The following LNX2 variants were observed in gnomAD, a reference collection of about 807,000 sequenced individuals.
The protein encoded by LNX2 is ligand of numb-protein X 2.
LNX2 carries 35 observed loss-of-function variants against 66.2 expected under a neutral mutation model. The observed-to-expected ratio is 0.53, with a 90% CI of 0.40 to 0.70. The LOEUF (loss-of-function observed/expected upper bound fraction) is 0.70, where lower values mean the gene tolerates loss of function less well. Ranked by LOEUF, LNX2 falls within the 30% of genes least tolerant of loss-of-function variation. The pLI is 0.00. For synonymous variants in LNX2, 337 were observed against 315.6 expected (o/e 1.07, Z -0.72); for missense variants, 791 against 850.8 (o/e 0.93, Z 0.87).
At chr13:27,600,231 T>A (rs1955642487) in intron 1 of LNX2, among the ~76,000 whole-genome samples, 1 of 152,222 alleles carries the variant, frequency 6.6e-6, no homozygotes, top group Admixed American at 6.5e-5. Flanking sequence ...TTTGTCATAT[T>A]ATGTTTTTGA....
intron 1 of LNX2, among the ~76,000 whole-genome samples, chr13:27,615,985 C>G (rs891230935): frequency 7.2e-5 from 11 of 152,232 alleles, no homozygotes; most frequent in Admixed American, 7.2e-4. Context: ...AGAGATTTAT[C>G]GTGAGCCAAA....
At chr13:27,601,632 C>T (rs1955658954) in intron 1 of LNX2, among the ~76,000 whole-genome samples, 1 of 152,098 alleles carries the variant, frequency 6.6e-6, no homozygotes, top group South Asian at 2.1e-4. Context: ...AATAATATAT[C>T]ATGCATGAAC....
At chr13:27,553,148 C>G in intron 8 of LNX2, 60 bp downstream of exon 8, 1 of 1,391,984 alleles carries the variant, frequency 7.2e-7, no homozygotes, top group Non-Finnish European at 1.0e-6. Context: ...ATGCTACACA[C>G]TGATAAGGGC....
At chr13:27,587,767 A>G (rs1253974657) in intron 1 of LNX2, among the ~76,000 whole-genome samples, 1 of 151,918 alleles carries the variant, frequency 6.6e-6, no homozygotes, top group Non-Finnish European at 1.5e-5. Context: ...CACGCCTGTA[A>G]TCCCAGCACT....
intron 5 of LNX2, among the ~76,000 whole-genome samples, chr13:27,562,077 G>A (rs994344442): frequency 6.6e-6 from 1 of 152,110 alleles, no homozygotes; most frequent in Admixed American, 6.6e-5. Context: ...GCTCTTTTGA[G>A]CCTCCCTTTC....
At chr13:27,580,382 T>G (rs1004317818) in intron 2 of LNX2, among the ~76,000 whole-genome samples, 1 of 152,190 alleles carries the variant, frequency 6.6e-6, no homozygotes, top group Non-Finnish European at 1.5e-5. Flanking sequence ...AGACTTACAC[T>G]CTTACATCTA....
chr13:27,604,808 T>C (rs1031406727), intron 1 of LNX2, among the ~76,000 whole-genome samples: 6 of 151,690 alleles, frequency 4.0e-5, no homozygotes, highest in East Asian at 1.9e-4. Context: ...TGCTCCTAAA[T>C]TGCCATTTCC....
chr13:27,554,086 G>A, intron 7 of LNX2, among the ~76,000 whole-genome samples: 1 of 152,168 alleles, frequency 6.6e-6, no homozygotes, highest in East Asian at 1.9e-4. Context: ...GTAGGAAGCA[G>A]ACATTTGTGC....
chr13:27,551,023 ATT>A (rs1955002045), intron 8 of LNX2, among the ~76,000 whole-genome samples: 1 of 152,136 alleles, frequency 6.6e-6, no homozygotes, highest in African/African-American at 2.4e-5. Context: ...GTTATTTGTT[ATT>A]TTCTCCTTTA....
At chr13:27,577,644 G>A (rs1005018595) in intron 2 of LNX2, among the ~76,000 whole-genome samples, 12 of 152,106 alleles carry the variant, frequency 7.9e-5, no homozygotes, top group African/African-American at 2.7e-4. Context: ...TCATGAACAA[G>A]AAAAGTTCTC....
At chr13:27,583,178 G>A (rs1955423058) in intron 1 of LNX2, among the ~76,000 whole-genome samples, 1 of 1,096 alleles carries the variant, frequency 9.1e-4, no homozygotes, top group African/African-American at 6.3e-3. Context: ...CAGTGTGTGT[G>A]TGTGTGTGTG....
chr13:27,568,338 C>A (rs556722590), intron 3 of LNX2, among the ~76,000 whole-genome samples: 2 of 152,218 alleles, frequency 1.3e-5, no homozygotes, highest in South Asian at 4.1e-4. Flanking sequence ...TGTAGTAGAG[C>A]TTGGAAAAAG....
At chr13:27,553,112 T>C in intron 8 of LNX2, 96 bp downstream of exon 8, 1 of 1,020,648 alleles carries the variant, frequency 9.8e-7, no homozygotes, top group Non-Finnish European at 1.5e-6. Context: ...AAAGCTTTTT[T>C]TTTTATCCCA....
At chr13:27,558,614 C>T (rs1379063913) in intron 6 of LNX2, among the ~76,000 whole-genome samples, 4 of 152,002 alleles carry the variant, frequency 2.6e-5, no homozygotes, top group Non-Finnish European at 5.9e-5. Flanking sequence ...GTATAAAAAA[C>T]TTGTAAAGCA....
intron 1 of LNX2, among the ~76,000 whole-genome samples, chr13:27,614,435 C>T (rs1430158359): frequency 6.6e-6 from 1 of 151,842 alleles, no homozygotes; most frequent in Non-Finnish European, 1.5e-5. Context: ...CCCACACCCC[C>T]ATGATTGTGC....
rs1489091892 is a variant in LNX2, at chr13:27,559,415, C to T, written c.1368+427G>A. ...ATGTTTAATCTTCATGTATCTAATT[C>T]AGGTTCTGTAGGCAACAGGCTCAAT... On this transcript the variant is annotated intron_variant, in intron 6 of 9. Coordinates refer to ENST00000316334, the MANE Select transcript of LNX2 (RefSeq NM_153371.4). 2.0e-5 allele frequency among the ~76,000 whole-genome samples: 3 copies of T among 152,110 alleles called. No homozygotes were observed. In the East Asian group the frequency reaches 5.8e-4, roughly 29 times the overall value.
At chr13:27,571,102 A>C (rs922160843) in intron 2 of LNX2, among the ~76,000 whole-genome samples, 5 of 152,230 alleles carry the variant, frequency 3.3e-5, no homozygotes, top group Non-Finnish European at 7.3e-5. Context: ...TTCACTCAGC[A>C]TTAGAAGAGG....
At chr13:27,609,483 A>C (rs535930268) in intron 1 of LNX2, among the ~76,000 whole-genome samples, 8 of 152,212 alleles carry the variant, frequency 5.3e-5, no homozygotes, top group Non-Finnish European at 1.0e-4. Flanking sequence ...AAGACAAAGA[A>C]AGTTATATTA....
chr13:27,585,415 C>A (rs1955473339), intron 1 of LNX2, among the ~76,000 whole-genome samples: 1 of 151,362 alleles, frequency 6.6e-6, no homozygotes, highest in Admixed American at 6.6e-5. Flanking sequence ...CAGCAAGACT[C>A]TGTCTCAAAA....
Sources: gnomAD v4.1 joint callset for allele counts (sites outside exome capture counted in the v4.1 genomes callset) on GRCh38, gnomAD v4.1.1 for gene constraint, MANE v1.5 for transcripts, NCBI Gene and HGNC (gene_info 2026-07-23, HGNC 2026-07-21) for gene names.